The following PARD3 variants were observed in gnomAD, a reference collection of about 807,000 sequenced individuals.
The protein encoded by PARD3 is partitioning defective 3 homolog.
Under a neutral mutation model 155.4 loss-of-function variants are expected in PARD3, and 75 were observed. The observed-to-expected ratio is 0.48, with a 90% confidence interval of 0.40 to 0.58. PARD3 has a LOEUF of 0.58. Among genes scored for constraint, PARD3 ranks in the 20% least tolerant of loss-of-function variants. The probability of loss-of-function intolerance (pLI) is 0.00; values close to 1 mark genes in which losing one functional copy is unlikely to be tolerated. For missense variants in PARD3, 1,642 were observed against 1,721.7 expected, an observed-to-expected ratio of 0.95 and a Z score of 0.82; for synonymous variants, 576 against 610.5, an observed-to-expected ratio of 0.94 and a Z score of 0.83.
At chr10:34,272,114 A>G (rs552689195) in intron 21 of PARD3, among the ~76,000 whole-genome samples, 28 of 152,346 alleles carry the variant, frequency 1.8e-4, no homozygotes, top group African/African-American at 6.5e-4. Context: ...AACCATAGGC[A>G]AAAAGAAAAG....
At chr10:34,713,921 A>G (rs2094482106) in intron 1 of PARD3, among the ~76,000 whole-genome samples, 1 of 152,180 alleles carries the variant, frequency 6.6e-6, no homozygotes, top group Non-Finnish European at 1.5e-5. Context: ...AAAACTAACT[A>G]AAATGTTGAA....
chr10:34,608,133 A>G (rs369171513), intron 2 of PARD3, among the ~76,000 whole-genome samples: 215 of 152,212 alleles, frequency 1.4e-3, no homozygotes, highest in African/African-American at 4.9e-3. Flanking sequence ...AAGCCTCTCA[A>G]TGCTGCACGG....
intron 3 of PARD3, among the ~76,000 whole-genome samples, chr10:34,495,165 A>G (rs2080187260): frequency 6.7e-6 from 1 of 150,236 alleles, no homozygotes; most frequent in Admixed American, 6.6e-5. Context: ...CCCATAAACA[A>G]AAAAAGCAAA....
At chr10:34,140,384 C>T (rs1156274399) in intron 22 of PARD3, among the ~76,000 whole-genome samples, 1 of 152,344 alleles carries the variant, frequency 6.6e-6, no homozygotes, top group Admixed American at 6.5e-5. Context: ...TGCACGTTCT[C>T]CCACGGTACC....
chr10:34,165,428 A>G (rs928321788), intron 22 of PARD3, among the ~76,000 whole-genome samples: 3 of 152,230 alleles, frequency 2.0e-5, no homozygotes, highest in African/African-American at 7.2e-5. Context: ...CGAAATTTTA[A>G]GAGCCAGAAC....
intron 23 of PARD3, among the ~76,000 whole-genome samples, chr10:34,120,004 A>ATTTTTTTTTTTTTTTTTTTTTTT (rs1185067110): frequency 1.4e-5 from 1 of 73,824 alleles, no homozygotes; most frequent in African/African-American, 5.9e-5. Context: ...GTCTTCTTTA[A>ATTTTTTTTTTTTTTTTTTTTTTT]TTTTTTTTTT....
rs766987361 is a variant in PARD3 at position 34,470,120 on chromosome 10, T to C, written c.547A>G (p.Asn183Asp). Residue 183 changes from asparagine (N) to aspartate (D), a missense_variant, in exon 4 of 25, where the codon AAC becomes GAC. Asn to Asp is a conservative substitution (Grantham distance 23). Coordinates refer to ENST00000374788, the MANE Select transcript of PARD3 (RefSeq NM_001184785.2). ...CAGGTTTTAGGACTCCCAGCAGTGTTCTGCTTGAGGAAGCCAGCTGTTGTT... is the reference window on the plus strand; with the variant it reads ...CAGGTTTTAGGACTCCCAGCAGTGTCCTGCTTGAGGAAGCCAGCTGTTGTT... ...WSTTAGFLKQ[N>D]TAGSPKTCDR... 1 of 1,612,772 alleles carries C rather than the reference T, an allele frequency of 6.2e-7. No homozygotes were observed.
chr10:34,402,799 T>A (rs1003068397), intron 5 of PARD3, among the ~76,000 whole-genome samples: 2 of 152,150 alleles, frequency 1.3e-5, no homozygotes, highest in East Asian at 3.9e-4. Flanking sequence ...AATGGGATAA[T>A]CAGTATTCAA....
At chr10:34,544,049 G>A (rs1834136473) in intron 2 of PARD3, among the ~76,000 whole-genome samples, 1 of 152,174 alleles carries the variant, frequency 6.6e-6, no homozygotes, top group Non-Finnish European at 1.5e-5. Context: ...TCTTCAACAT[G>A]TGGTAAAAAT....
At chr10:34,551,457 C>T (rs2084551851) in intron 2 of PARD3, among the ~76,000 whole-genome samples, 1 of 152,150 alleles carries the variant, frequency 6.6e-6, no homozygotes, top group African/African-American at 2.4e-5. Flanking sequence ...TCTAACAGGC[C>T]ACCTCAGGGT....
At chr10:34,242,368 G>A (rs1953661158) in intron 22 of PARD3, among the ~76,000 whole-genome samples, 1 of 152,070 alleles carries the variant, frequency 6.6e-6, no homozygotes, top group Non-Finnish European at 1.5e-5. Flanking sequence ...CTAGCCTGCA[G>A]GTGTCCAAAT....
intron 1 of PARD3, among the ~76,000 whole-genome samples, chr10:34,700,297 G>C (rs2094250847): frequency 6.6e-6 from 1 of 152,158 alleles, no homozygotes; most frequent in South Asian, 2.1e-4. Context: ...CATTTCCTAA[G>C]ACTAAGAATG....
At chr10:34,776,833 T>TTTTTGGGGGGG (rs1564608800) in intron 1 of PARD3, among the ~76,000 whole-genome samples, 1 of 9,906 alleles carries the variant, frequency 1.0e-4, no homozygotes, top group African/African-American at 2.9e-4. Flanking sequence ...CGTGTTTTTT[T>TTTTTGGGGGGG]GTGGGGGGGG....
chr10:34,222,229 T>G (rs1396252953), intron 22 of PARD3, among the ~76,000 whole-genome samples: 1 of 152,244 alleles, frequency 6.6e-6, no homozygotes, highest in African/African-American at 2.4e-5. Context: ...GCGCTCTGAA[T>G]AAGGGGCCCA....
At chr10:34,594,882 C>T (rs1227136305) in intron 2 of PARD3, among the ~76,000 whole-genome samples, 1 of 152,028 alleles carries the variant, frequency 6.6e-6, no homozygotes, top group African/African-American at 2.4e-5. Context: ...GGGCTTTTAA[C>T]CAAGTTTTGG....
chr10:34,226,405 C>T (rs1952603767), intron 22 of PARD3, among the ~76,000 whole-genome samples: 1 of 152,154 alleles, frequency 6.6e-6, no homozygotes, highest in African/African-American at 2.4e-5. Context: ...CAAAAAGTAG[C>T]TGGGTGTGTT....
Position 34,382,723 on chromosome 10 carries a change from G to C in PARD3, c.1216C>G (p.Pro406Ala). 2 of 1,614,204 alleles carry C rather than the reference G, an allele frequency of 1.2e-6. No individual in the cohort carries two copies. The highest frequency in any genetic ancestry group is 1.7e-6 in the Non-Finnish European group (2 of 1,180,032). ...SAGLHTVQRA[P>A]RLNHPPEQID... The stretch of plus-strand genomic sequence containing the variant: ...TGCTCAGGCGGGTGGTTCAGTCGGG[G>C]TGCTCTCTGCACCGTGTGAAGCCCT... The change falls in exon 9 of 25, where the codon CCC becomes GCC. Residue 406 changes from proline (P) to alanine (A), a missense_variant. Around this residue, in one of 3 missense-constraint regions of PARD3, gnomAD observed 1,529 missense variants for 1,587.3 expected, o/e 0.96. Coordinates refer to ENST00000374788, the MANE Select transcript of PARD3 (RefSeq NM_001184785.2).
intron 1 of PARD3, among the ~76,000 whole-genome samples, chr10:34,734,747 C>CA (rs1267472235): frequency 6.6e-6 from 1 of 151,994 alleles, no homozygotes; most frequent in Non-Finnish European, 1.5e-5. Context: ...AGATTAGATT[C>CA]AAAATGCTTT....
chr10:34,295,879 G>A (rs981366310), intron 20 of PARD3, among the ~76,000 whole-genome samples: 28 of 152,198 alleles, frequency 1.8e-4, no homozygotes, highest in African/African-American at 6.5e-4. Context: ...AACAACATGA[G>A]CAGACAGATG....
Sources: gnomAD v4.1 joint callset for allele counts (sites outside exome capture counted in the v4.1 genomes callset) on GRCh38, gnomAD v4.1.1 for gene constraint, gnomAD v4.1.1 regional missense constraint, MANE v1.5 for transcripts, NCBI Gene and HGNC (gene_info 2026-07-23, HGNC 2026-07-21) for gene names.